The following RERE variants were observed in gnomAD, a reference collection of about 807,000 sequenced individuals.
RERE encodes the protein arginine-glutamic acid dipeptide repeats protein.
RERE carries 40 observed loss-of-function variants against 146.1 expected under a neutral mutation model. The observed-to-expected ratio is 0.27, with a 90% CI of 0.21 to 0.36. The LOEUF is 0.36. RERE is among the 10% of genes least tolerant of loss of function. The probability of loss-of-function intolerance (pLI) is 1.00; values close to 1 mark genes in which losing one functional copy is unlikely to be tolerated. For synonymous variants in RERE, 1,003 were observed against 866.0 expected (o/e 1.16, Z -2.78); for missense variants, 1,933 against 2,138.7 (o/e 0.90, Z 1.90).
At chr1:8,565,235 T>C (rs1646139449) in intron 4 of RERE, among the ~76,000 whole-genome samples, 1 of 152,200 alleles carries the variant, frequency 6.6e-6, no homozygotes, top group African/African-American at 2.4e-5. Flanking sequence ...GTTGCCATCA[T>C]AAAAAATGAT....
intron 11 of RERE, among the ~76,000 whole-genome samples, chr1:8,463,755 G>A (rs899769217): frequency 3.9e-5 from 6 of 152,124 alleles, no homozygotes; most frequent in Non-Finnish European, 4.4e-5. Flanking sequence ...GAGAGAGGAC[G>A]CCAAAGGGCA....
chr1:8,628,832 T>C (rs1322315793), intron 2 of RERE, among the ~76,000 whole-genome samples: 1 of 152,214 alleles, frequency 6.6e-6, no homozygotes, highest in East Asian at 1.9e-4. Flanking sequence ...TCATGCAATT[T>C]ATGAGTGCAT....
chr1:8,663,817 A>T (rs1051848629), intron 1 of RERE, among the ~76,000 whole-genome samples: 1 of 151,956 alleles, frequency 6.6e-6, no homozygotes, highest in Non-Finnish European at 1.5e-5. Context: ...CCCCTCCTGC[A>T]TGCTCCTCCT....
intron 11 of RERE, among the ~76,000 whole-genome samples, chr1:8,447,602 G>T (rs1644338372): frequency 1.3e-5 from 2 of 152,210 alleles, no homozygotes; most frequent in African/African-American, 4.8e-5. Flanking sequence ...TTCAGAACCT[G>T]TTTGCCTGGG....
intron 1 of RERE, among the ~76,000 whole-genome samples, chr1:8,742,092 T>C (rs1465059878): frequency 6.6e-6 from 1 of 152,224 alleles, no homozygotes; most frequent in Non-Finnish European, 1.5e-5. Flanking sequence ...GTAGTATGTA[T>C]ATATCAAAGG....
chr1:8,771,368 A>C (rs2124545939), intron 1 of RERE, among the ~76,000 whole-genome samples: 1 of 151,922 alleles, frequency 6.6e-6, no homozygotes, highest in South Asian at 2.1e-4. Context: ...CTAAAAATAC[A>C]AAAAAATTAG....
At chr1:8,796,689 T>TA (rs1264855424) in intron 1 of RERE, 1 of 151,522 alleles carries the variant, frequency 6.6e-6, no homozygotes, top group Non-Finnish European at 1.5e-5. Context: ...TTTAAATGAC[T>TA]AAAAGCAAGC....
intron 1 of RERE, among the ~76,000 whole-genome samples, chr1:8,711,364 G>C (rs953582610): frequency 6.0e-4 from 92 of 152,098 alleles, no homozygotes; most frequent in African/African-American, 2.2e-3. Context: ...GGAGGTTTTA[G>C]TTTTTGGAAG....
chr1:8,791,988 A>C (rs1641372882), intron 1 of RERE, among the ~76,000 whole-genome samples: 1 of 152,114 alleles, frequency 6.6e-6, no homozygotes, highest in African/African-American at 2.4e-5. Context: ...AATACTTTGG[A>C]AGGCCAAGGT....
chr1:8,618,408 G>A (rs868313000), intron 3 of RERE, among the ~76,000 whole-genome samples: 5 of 152,146 alleles, frequency 3.3e-5, no homozygotes, highest in African/African-American at 9.7e-5. Flanking sequence ...GTCAAAGTCC[G>A]CGCTCTGAAC....
chr1:8,360,285 C>T lies in RERE; in HGVS notation c.3222G>A (p.Ala1074=), dbSNP rs972706528. The T allele has an allele frequency of 9.6e-6, 15 of 1,560,936 alleles. No individual in the cohort carries two copies. The highest frequency in any genetic ancestry group is 1.9e-5 in the Admixed American group (1 of 53,878). ...TSAQPPCSGA[A]ASGGSIAGGS... ...CCCCCGCTATGCTGCCTCCTGAAGC[C>T]GCCGCACCAGAGCAGGGTGGCTGGG... Residue 1074 remains alanine (A), a synonymous_variant, in exon 18 of 23, where the codon GCG becomes GCA. Transcript: ENST00000400908.
intron 1 of RERE, among the ~76,000 whole-genome samples, chr1:8,687,877 A>C (rs1639125816): frequency 6.6e-6 from 1 of 152,228 alleles, no homozygotes; most frequent in Non-Finnish European, 1.5e-5. Context: ...ACAGAAGTAC[A>C]AATTTAGTTT....
intron 1 of RERE, among the ~76,000 whole-genome samples, chr1:8,672,003 C>T (rs553165325): frequency 6.6e-6 from 1 of 152,182 alleles, no homozygotes; most frequent in East Asian, 1.9e-4. Flanking sequence ...GGCGTGGTGG[C>T]TCATCCCTAA....
At chr1:8,401,885 G>GA (rs1438842473) in intron 12 of RERE, among the ~76,000 whole-genome samples, 1 of 150,202 alleles carries the variant, frequency 6.7e-6, no homozygotes, top group Non-Finnish European at 1.5e-5. Flanking sequence ...TTATTTTTTT[G>GA]AGACAGAGTC....
chr1:8,558,987 G>A (rs1646039773), intron 4 of RERE, among the ~76,000 whole-genome samples: 1 of 150,952 alleles, frequency 6.6e-6, no homozygotes, highest in Admixed American at 6.6e-5. Context: ...GTAGAGACAT[G>A]TTTTGACAAT....
chr1:8,498,722 AAT>A (rs1309007290), intron 8 of RERE, among the ~76,000 whole-genome samples: 3 of 44,862 alleles, frequency 6.7e-5, no homozygotes, highest in African/African-American at 2.5e-4. Flanking sequence ...AAAAAAAAAA[AAT>A]AAATATATAC....
intron 1 of RERE, among the ~76,000 whole-genome samples, chr1:8,803,107 T>C (rs1641617063): frequency 6.6e-6 from 1 of 152,206 alleles, no homozygotes. Flanking sequence ...AATTGCACAG[T>C]TTACATGCTG....
At chr1:8,788,111 C>T (rs899629114) in intron 1 of RERE, among the ~76,000 whole-genome samples, 37 of 151,326 alleles carry the variant, frequency 2.4e-4, no homozygotes, top group Admixed American at 1.1e-3. Flanking sequence ...AAAATAAAAG[C>T]ATTAAAAAGA....
intron 10 of RERE, among the ~76,000 whole-genome samples, chr1:8,471,324 C>T (rs1248963784): frequency 1.3e-5 from 2 of 151,782 alleles, no homozygotes; most frequent in Non-Finnish European, 2.9e-5. Flanking sequence ...CTTTTTTTCT[C>T]TCTTTGAGAC....
Sources: gnomAD v4.1 joint callset for allele counts (sites outside exome capture counted in the v4.1 genomes callset) on GRCh38, gnomAD v4.1.1 for gene constraint, MANE v1.5 for transcripts, NCBI Gene and HGNC (gene_info 2026-07-23, HGNC 2026-07-21) for gene names.